INPP4B: variants seen among roughly 807,000 people sequenced by gnomAD.
INPP4B encodes inositol polyphosphate 4-phosphatase type II.
A neutral mutation model predicts 122.5 loss-of-function variants in INPP4B; 55 were observed. That is an observed-to-expected ratio of 0.45 (90% CI 0.36 to 0.56). The LOEUF is 0.56. Among genes scored for constraint, INPP4B ranks in the 20% least tolerant of loss-of-function variants. INPP4B has a pLI of 0.00. For synonymous variants in INPP4B, 403 were observed against 388.7 expected, an observed-to-expected ratio of 1.04 and a Z score of -0.43; for missense variants, 1,000 against 1,097.7, an observed-to-expected ratio of 0.91 and a Z score of 1.26.
intron 8 of INPP4B, among the ~76,000 whole-genome samples, chr4:142,311,290 G>T (rs1765423089): frequency 6.6e-6 from 1 of 152,100 alleles, no homozygotes; most frequent in South Asian, 2.1e-4. Flanking sequence ...GGAAGTCAAT[G>T]CATGCTAAAT....
At chr4:142,280,960 C>T (rs1010869632) in intron 9 of INPP4B, among the ~76,000 whole-genome samples, 3 of 151,970 alleles carry the variant, frequency 2.0e-5, no homozygotes, top group Admixed American at 6.6e-5. Context: ...CATTTCATAA[C>T]AGACTAGATT....
chr4:142,147,016 T>C (rs566907255), intron 17 of INPP4B, among the ~76,000 whole-genome samples: 1 of 152,286 alleles, frequency 6.6e-6, no homozygotes, highest in South Asian at 2.1e-4. Context: ...ACGACTGCCA[T>C]TCCTCACTTC....
At chr4:142,115,695 C>A (rs1420047349) in intron 21 of INPP4B, among the ~76,000 whole-genome samples, 1 of 152,074 alleles carries the variant, frequency 6.6e-6, no homozygotes, top group East Asian at 1.9e-4. Context: ...TGGTAGCAGC[C>A]CCTGCAAAAA....
At chr4:142,110,507 A>G (rs1234626867) in intron 22 of INPP4B, among the ~76,000 whole-genome samples, 10 of 152,192 alleles carry the variant, frequency 6.6e-5, no homozygotes, top group African/African-American at 2.2e-4. Context: ...ATTACATAGC[A>G]TATCTAACAT....
At chr4:142,660,783 G>A (rs888199881) in intron 2 of INPP4B, 1 of 152,218 alleles carries the variant, frequency 6.6e-6, no homozygotes, top group Non-Finnish European at 1.5e-5. Flanking sequence ...TTACCTTCAG[G>A]CCATCAAACT....
intron 25 of INPP4B, among the ~76,000 whole-genome samples, chr4:142,050,258 A>G (rs1254326522): frequency 3.3e-5 from 5 of 152,040 alleles, no homozygotes; most frequent in Non-Finnish European, 4.4e-5. Flanking sequence ...ATAGTTATCT[A>G]AAACATGCTT....
chr4:142,604,595 A>G (rs1740809661), intron 2 of INPP4B, among the ~76,000 whole-genome samples: 1 of 152,118 alleles, frequency 6.6e-6, no homozygotes, highest in African/African-American at 2.4e-5. Flanking sequence ...AATTGTCAAA[A>G]AAGAAATCAA....
At chr4:142,082,235 A>T (rs370245099) in intron 24 of INPP4B, 50 bp from the exon 25 acceptor site, 4 of 1,435,574 alleles carry the variant, frequency 2.8e-6, no homozygotes, top group Non-Finnish European at 3.8e-6. Flanking sequence ...TAATACCGTA[A>T]AGTGTCGGCC....
chr4:142,757,252 G>C (rs1231406104), intron 1 of INPP4B, among the ~76,000 whole-genome samples: 1 of 151,998 alleles, frequency 6.6e-6, no homozygotes, highest in Non-Finnish European at 1.5e-5. Flanking sequence ...CATCAAAGTG[G>C]TATATTTTTT....
At chr4:142,817,402 C>T (rs777995784) in intron 1 of INPP4B, among the ~76,000 whole-genome samples, 22 of 152,124 alleles carry the variant, frequency 1.4e-4, no homozygotes, top group Middle Eastern at 3.2e-3. Context: ...CTCTTCAGCC[C>T]CCTTGCTTTC....
chr4:142,633,842 AAAAACCCATT>A (rs1282694117), intron 2 of INPP4B, among the ~76,000 whole-genome samples: 6 of 152,254 alleles, frequency 3.9e-5, no homozygotes, highest in Admixed American at 3.9e-4. Flanking sequence ...TAAAAACCCT[AAAAACCCATT>A]AAAAGATAAA....
chr4:142,817,582 T>C (rs1580987241), intron 1 of INPP4B, among the ~76,000 whole-genome samples: 2 of 152,248 alleles, frequency 1.3e-5, no homozygotes, highest in East Asian at 3.9e-4. Context: ...GATAATGCCT[T>C]GGCCACACAG....
chr4:142,487,197 T>C (rs1344749015), intron 2 of INPP4B, among the ~76,000 whole-genome samples: 3 of 152,172 alleles, frequency 2.0e-5, no homozygotes, highest in African/African-American at 7.2e-5. Flanking sequence ...TAGCTCCTCC[T>C]TGCTTTCTAA....
intron 7 of INPP4B, among the ~76,000 whole-genome samples, chr4:142,378,480 A>T (rs1792838803): frequency 6.6e-6 from 1 of 152,158 alleles, no homozygotes; most frequent in South Asian, 2.1e-4. Context: ...GTAGGTTGCA[A>T]GTTCAAAGTC....
At chr4:142,522,955 G>C (rs539766441) in intron 2 of INPP4B, among the ~76,000 whole-genome samples, 23 of 152,214 alleles carry the variant, frequency 1.5e-4, no homozygotes, top group African/African-American at 4.1e-4. Flanking sequence ...CTTGTTGCTA[G>C]TAGCAGTCAT....
chr4:142,611,052 T>C lies in INPP4B; in HGVS notation c.-191+114787A>G, dbSNP rs1430933057. ...AGTTCTGCAGGATATACAGAAAGAA[T>C]GATGCTGGTATCCACCTGGCTTCCA... On this transcript the variant is annotated intron_variant, in intron 2 of 25. Transcript: ENST00000262992. Among the ~76,000 whole-genome samples, 4 of 152,170 alleles carry C rather than the reference T, an allele frequency of 2.6e-5. No individual in the cohort carries two copies. In the East Asian group the frequency reaches 5.8e-4, roughly 22 times the overall value.
intron 1 of INPP4B, among the ~76,000 whole-genome samples, chr4:142,728,956 A>C (rs1424401137): frequency 1.3e-5 from 2 of 152,182 alleles, no homozygotes; most frequent in Non-Finnish European, 2.9e-5. Context: ...TATTAAAAAA[A>C]AATCTTACGG....
chr4:142,750,670 G>C (rs1769548305), intron 1 of INPP4B, among the ~76,000 whole-genome samples: 1 of 152,094 alleles, frequency 6.6e-6, no homozygotes, highest in African/African-American at 2.4e-5. Context: ...GGTGGTGCTG[G>C]TGCAGCATAA....
chr4:142,796,251 C>A (rs1277691181), intron 1 of INPP4B, among the ~76,000 whole-genome samples: 2 of 151,702 alleles, frequency 1.3e-5, no homozygotes, highest in Non-Finnish European at 2.9e-5. Flanking sequence ...GATTCTTGTT[C>A]GATTTGAAGG....
Sources: gnomAD v4.1 joint callset for allele counts (sites outside exome capture counted in the v4.1 genomes callset) on GRCh38, gnomAD v4.1.1 for gene constraint, MANE v1.5 for transcripts, NCBI Gene and HGNC (gene_info 2026-07-23, HGNC 2026-07-21) for gene names.